The following FANCA variants were observed in gnomAD, a reference collection of about 807,000 sequenced individuals.
The protein encoded by FANCA is Fanconi anemia group A protein.
FANCA carries 236 observed loss-of-function variants against 194.3 expected under a neutral mutation model. The observed-to-expected ratio is 1.21, with a 90% CI of 1.09 to 1.35. The LOEUF (loss-of-function observed/expected upper bound fraction) is 1.35, where lower values mean the gene tolerates loss of function less well. Ranked by LOEUF, FANCA falls within the 40% of genes most tolerant of loss-of-function variation. The probability of loss-of-function intolerance (pLI) is 0.00; values close to 1 mark genes in which losing one functional copy is unlikely to be tolerated. For synonymous variants in FANCA, 1,014 were observed against 715.8 expected, an observed-to-expected ratio of 1.42 and a Z score of -6.65; for missense variants, 2,628 against 1,813.9, an observed-to-expected ratio of 1.45 and a Z score of -8.15.
Position 89,791,412 on chromosome 16 carries a change from G to A in FANCA, c.1350C>T (p.Asp450=). 1 of 1,614,024 alleles carries A rather than the reference G, an allele frequency of 6.2e-7. No homozygotes were observed. The highest frequency in any genetic ancestry group is 8.5e-7 in the Non-Finnish European group (1 of 1,179,958). Reference sequence around the variant, plus strand: ...TTGGCAGGTCACTTACCTTGAACCAGTCTGCATATGACAGGAACGCAGAGG... The same window carrying A: ...TTGGCAGGTCACTTACCTTGAACCAATCTGCATATGACAGGAACGCAGAGG... ...EGPSAFLSYA[D]WFKASFGSTR... The change falls in exon 14 of 43, where the codon GAC becomes GAT. Residue 450 remains aspartate (D), a synonymous_variant. Transcript: ENST00000389301.
chr16:89,744,904 G>A, intron 36 of FANCA, 55 bp downstream of exon 36: 1 of 1,495,420 alleles, frequency 6.7e-7, no homozygotes. Context: ...ATGACCTTGA[G>A]CAGGTCCCGA....
rs17232777 is a variant in FANCA, at chr16:89,777,990, C to T, written c.1826+811G>A. ...CAGCCTGACTAACATGGTGAAACCC[C>T]GTCTCTACTAAAAATACAAAAATTA... On this transcript the variant is annotated intron_variant, in intron 20 of 42. Coordinates refer to ENST00000389301, the MANE Select transcript of FANCA (RefSeq NM_000135.4). Among the ~76,000 whole-genome samples, 799 of 151,934 alleles carry T rather than the reference C, an allele frequency of 5.3e-3. 6 individuals carry two copies. Among genetic ancestry groups the T allele is most frequent in the Non-Finnish European group, 7.4e-3 (505 of 67,946 alleles).
chr16:89,783,918 C>G (rs1249808708), intron 15 of FANCA, among the ~76,000 whole-genome samples: 2 of 152,278 alleles, frequency 1.3e-5, no homozygotes, highest in East Asian at 3.9e-4. Flanking sequence ...CGCGCTACCA[C>G]GCCCGGCTAA....
At chr16:89,785,334 T>G (rs1447495685) in intron 14 of FANCA, among the ~76,000 whole-genome samples, 1 of 152,202 alleles carries the variant, frequency 6.6e-6, no homozygotes, top group East Asian at 1.9e-4. Context: ...TCCTTAGGGG[T>G]ACAATTTGCT....
chr16:89,759,318 T>TAAAA lies in FANCA; in HGVS notation c.2853-617_2853-614dup, dbSNP rs71137673. Among the ~76,000 whole-genome samples, 181 of 75,190 alleles carry TAAAA rather than the reference T, an allele frequency of 2.4e-3. 6 individuals carry two copies. The highest frequency in any genetic ancestry group is 3.8e-3 in the Non-Finnish European group (149 of 38,978). The allele number at this position is 75,190 out of a possible 152,430, so 49.3% of individuals were successfully genotyped here. Reference sequence around the variant, plus strand: ...TTGGGCAACAGAGCGAGACTCCGTCTAAAAAAAAAAAAAAAAAAAAAAAAA... The same window carrying TAAAA: ...TTGGGCAACAGAGCGAGACTCCGTCTAAAAAAAAAAAAAAAAAAAAAAAAAAAAA... On this transcript the variant is annotated intron_variant, in intron 29 of 42. Transcript: ENST00000389301.
At chr16:89,799,693 T>C in intron 8 of FANCA, 55 bp from the exon 9 acceptor site, 2 of 1,381,784 alleles carry the variant, frequency 1.4e-6, no homozygotes, top group Non-Finnish European at 2.1e-6. Flanking sequence ...ATTTGTGTGA[T>C]ACCTGCATCA....
In FANCA at chr16:89,808,341, C is replaced by G; in HGVS notation, c.549G>C (p.Trp183Cys). ...TCACAATGCCTTGTACGTGAAGATG[C>G]CACACCGCTTCAAGCAACAAAGAAC... ...IQSSLLLEAV[W>C]HLHVQGIVSL... Residue 183 changes from tryptophan (W) to cysteine (C), a missense_variant, in exon 6 of 43, where the codon TGG becomes TGC. Trp to Cys is a radical substitution (Grantham distance 215). Transcript: ENST00000389301. 1 of 1,614,080 alleles carries G rather than the reference C, an allele frequency of 6.2e-7. No homozygotes were observed. The highest frequency in any genetic ancestry group is 8.5e-7 in the Non-Finnish European group (1 of 1,179,996).
chr16:89,762,166 A>G (rs1279183589), intron 28 of FANCA, 144 bp from the exon 29 acceptor site: 4 of 729,226 alleles, frequency 5.5e-6, no homozygotes, highest in Non-Finnish European at 1.0e-5. Flanking sequence ...AGAGTTCCAC[A>G]GGAAAGAAAC....
chr16:89,809,988 T>C (rs1459627155), intron 5 of FANCA, among the ~76,000 whole-genome samples: 1 of 151,894 alleles, frequency 6.6e-6, no homozygotes, highest in Non-Finnish European at 1.5e-5. Flanking sequence ...ATTGCGCCAC[T>C]GCACTCCAGC....
intron 6 of FANCA, among the ~76,000 whole-genome samples, chr16:89,808,072 C>CA (rs2040729236): frequency 1.6e-5 from 1 of 61,344 alleles, no homozygotes; most frequent in East Asian, 4.5e-4. Context: ...AAAAAACAGA[C>CA]AAAAAGCAAA....
intron 23 of FANCA, 127 bp downstream of exon 23, chr16:89,771,551 G>C: frequency 1.8e-6 from 2 of 1,098,918 alleles, no homozygotes; most frequent in Non-Finnish European, 2.7e-6. Flanking sequence ...CCTGGCCCTG[G>C]AACATCTGAT....
chr16:89,752,511 A>T (rs2038631158), intron 30 of FANCA, among the ~76,000 whole-genome samples: 1 of 152,268 alleles, frequency 6.6e-6, no homozygotes, highest in Non-Finnish European at 1.5e-5. Flanking sequence ...GAGCTGTTCC[A>T]GTATAATAAA....
At chr16:89,787,761 C>A (rs545769228) in intron 14 of FANCA, among the ~76,000 whole-genome samples, 1 of 151,854 alleles carries the variant, frequency 6.6e-6, no homozygotes, top group Non-Finnish European at 1.5e-5. Context: ...AAAAACCCCA[C>A]AAATTACATT....
intron 30 of FANCA, among the ~76,000 whole-genome samples, chr16:89,757,777 G>T (rs1488041290): frequency 6.6e-6 from 1 of 152,252 alleles, no homozygotes; most frequent in Non-Finnish European, 1.5e-5. Context: ...CTCAGATGGA[G>T]AGAGGCTGTG....
Position 89,746,900 on chromosome 16 carries a change from A to G in FANCA, c.3349-10T>C. 1 of 1,553,366 alleles carries G rather than the reference A, an allele frequency of 6.4e-7. No homozygotes were observed. The highest frequency in any genetic ancestry group is 8.7e-7 in the Non-Finnish European group (1 of 1,147,936). On this transcript the variant is annotated splice_polypyrimidine_tract_variant and intron_variant, in intron 33 of 42. Coordinates refer to ENST00000389301, the MANE Select transcript of FANCA (RefSeq NM_000135.4). Reference sequence around the variant, plus strand: ...GGGAGCAGAAGTTTCTCTGCAAAAGAGTTCAAGGCAGGTAAGAAAAGCCCA... The same window carrying G: ...GGGAGCAGAAGTTTCTCTGCAAAAGGGTTCAAGGCAGGTAAGAAAAGCCCA...
At position 89,810,925 on chromosome 16, in the gene FANCA, T is replaced by C. The variant is rs1452479825; in HGVS notation, c.426+4A>G. The C allele has an allele frequency of 6.2e-7, 1 of 1,614,078 alleles. No homozygotes were observed. The highest frequency in any genetic ancestry group is 1.7e-5 in the Admixed American group (1 of 60,012). ...AGGTTTCCTCATCTTTGCTGGTGTC[T>C]TACTCTCTGCTCCACAGTCAGCAGC... On this transcript the variant is annotated splice_donor_region_variant and intron_variant, in intron 4 of 42. Transcript: ENST00000389301.
rs564953869 is a variant in FANCA, at chr16:89,783,733, C to G, written c.1471-631G>C. Among the ~76,000 whole-genome samples the G allele has an allele frequency of 2.0e-5, 3 of 152,236 alleles. No individual in the cohort carries two copies. In the South Asian group the frequency reaches 6.2e-4, roughly 32 times the overall value. On this transcript the variant is annotated intron_variant, in intron 15 of 42. Coordinates refer to ENST00000389301, the MANE Select transcript of FANCA (RefSeq NM_000135.4). ...GCCGCCTGCAGCTCCATGCCTTTGACTTCCTGGTCAAAGGGGACAGAGGGG... is the reference window on the plus strand; with the variant it reads ...GCCGCCTGCAGCTCCATGCCTTTGAGTTCCTGGTCAAAGGGGACAGAGGGG...
Position 89,765,007 on chromosome 16 carries a change from G to C in FANCA, c.2661C>G (p.Asp887Glu). 1.2e-6 allele frequency: 2 copies of C among 1,614,248 alleles called. No individual in the cohort carries two copies. Among genetic ancestry groups the C allele is most frequent in the Non-Finnish European group, 1.7e-6 (2 of 1,180,048 alleles). ...SEARQPLSEE[D>E]VASLSWRPLH... ...AGGGTCTCCAGGAAAGGCTGGCTACGTCCTCCTCAGAAAGAGGCTGTCGGG... is the reference window on the plus strand; with the variant it reads ...AGGGTCTCCAGGAAAGGCTGGCTACCTCCTCCTCAGAAAGAGGCTGTCGGG... Residue 887 changes from aspartate (D) to glutamate (E), a missense_variant, in exon 28 of 43, where the codon GAC becomes GAG. Asp to Glu is a conservative substitution (Grantham distance 45). Coordinates refer to ENST00000389301, the MANE Select transcript of FANCA (RefSeq NM_000135.4).
intron 11 of FANCA, among the ~76,000 whole-genome samples, chr16:89,794,441 G>A (rs2040176350): frequency 6.6e-6 from 1 of 151,150 alleles, no homozygotes; most frequent in Non-Finnish European, 1.5e-5. Context: ...TTCAAGCTTG[G>A]CAGGGAATAG....
Sources: gnomAD v4.1 joint callset for allele counts (sites outside exome capture counted in the v4.1 genomes callset) on GRCh38, gnomAD v4.1.1 for gene constraint, MANE v1.5 for transcripts, NCBI Gene and HGNC (gene_info 2026-07-23, HGNC 2026-07-21) for gene names.